SPOCK1: variants seen among roughly 807,000 people sequenced by gnomAD.
SPOCK1 encodes SPARC (osteonectin), cwcv and kazal like domains proteoglycan 1, also known as testican-1.
Under a neutral mutation model 55.3 loss-of-function variants are expected in SPOCK1, and 23 were observed. That is an observed-to-expected ratio of 0.42 (90% CI 0.30 to 0.59). The LOEUF (loss-of-function observed/expected upper bound fraction) is 0.59, where lower values mean the gene tolerates loss of function less well. Among genes scored for constraint, SPOCK1 ranks in the 20% least tolerant of loss-of-function variants. SPOCK1 has a pLI of 0.22. For synonymous variants in SPOCK1, 226 were observed against 221.0 expected, an observed-to-expected ratio of 1.02 and a Z score of -0.20; for missense variants, 499 against 552.5, an observed-to-expected ratio of 0.90 and a Z score of 0.97.
chr5:137,079,533 T>TCCGC (rs766268018), intron 5 of SPOCK1, among the ~76,000 whole-genome samples: 68 of 38,650 alleles, frequency 1.8e-3, no homozygotes, highest in South Asian at 3.9e-3. Flanking sequence ...CCCATCTGAT[T>TCCGC]CCCCCCCCCC....
At chr5:137,204,286 A>C (rs1309727099) in intron 3 of SPOCK1, among the ~76,000 whole-genome samples, 1 of 152,214 alleles carries the variant, frequency 6.6e-6, no homozygotes, top group Non-Finnish European at 1.5e-5. Context: ...AAAACAGCTT[A>C]AAAATAGAAG....
chr5:137,369,726 G>A (rs886374235), intron 2 of SPOCK1, among the ~76,000 whole-genome samples: 2 of 152,222 alleles, frequency 1.3e-5, no homozygotes, highest in African/African-American at 2.4e-5. Context: ...GTTCCGTGGT[G>A]AAGGCCCTCT....
intron 3 of SPOCK1, among the ~76,000 whole-genome samples, chr5:137,260,011 T>C (rs914912046): frequency 6.6e-6 from 1 of 152,258 alleles, no homozygotes; most frequent in African/African-American, 2.4e-5. Context: ...TCATTTTTCC[T>C]TTATGAGAAA....
At position 137,302,321 on chromosome 5, in the gene SPOCK1, G is replaced by A. The variant is rs1218174220; in HGVS notation, c.187-35266C>T. On this transcript the variant is annotated intron_variant, in intron 2 of 10. Coordinates refer to ENST00000394945, the MANE Select transcript of SPOCK1 (RefSeq NM_004598.4). ...GCGGTGGCTCACGCCTGTAATCCCA[G>A]CACTTTGGGAGGCCAAGGCGGGCAG... Among the ~76,000 whole-genome samples, 3 of 151,828 alleles carry A rather than the reference G, an allele frequency of 2.0e-5. No homozygotes were observed. In the East Asian group the frequency reaches 5.8e-4, roughly 29 times the overall value.
At chr5:137,487,726 T>C (rs1754090758) in intron 2 of SPOCK1, among the ~76,000 whole-genome samples, 1 of 152,112 alleles carries the variant, frequency 6.6e-6, no homozygotes, top group Non-Finnish European at 1.5e-5. Flanking sequence ...ATGTAGAAGG[T>C]CCCACATCAA....
intron 2 of SPOCK1, among the ~76,000 whole-genome samples, chr5:137,389,026 A>G (rs928494579): frequency 6.6e-6 from 1 of 152,208 alleles, no homozygotes; most frequent in Non-Finnish European, 1.5e-5. Flanking sequence ...CATTCCAAAG[A>G]CCAATCAAGA....
intron 2 of SPOCK1, among the ~76,000 whole-genome samples, chr5:137,339,636 G>GT (rs1170589526): frequency 2.0e-5 from 3 of 151,764 alleles, no homozygotes; most frequent in South Asian, 2.1e-4. Context: ...TTTTCAATCA[G>GT]TTTTTTTTCA....
chr5:137,345,807 C>T (rs1750543550), intron 2 of SPOCK1, among the ~76,000 whole-genome samples: 1 of 152,162 alleles, frequency 6.6e-6, no homozygotes. Flanking sequence ...GATGCCCTCC[C>T]AGATCTTAAG....
At chr5:137,359,699 C>A (rs1229710) in intron 2 of SPOCK1, among the ~76,000 whole-genome samples, 32,406 of 152,142 alleles carry the variant, frequency 0.21, 3,540 homozygotes, top group South Asian at 0.27. Flanking sequence ...TACTAAGGAG[C>A]AAATGCAGTC....
chr5:137,334,507 G>A (rs1374843728), intron 2 of SPOCK1, among the ~76,000 whole-genome samples: 2 of 152,150 alleles, frequency 1.3e-5, no homozygotes, highest in Non-Finnish European at 2.9e-5. Flanking sequence ...GGGTTTGGTC[G>A]CAGAACGCGT....
At chr5:137,146,692 G>A (rs1580775557) in intron 3 of SPOCK1, among the ~76,000 whole-genome samples, 1 of 152,310 alleles carries the variant, frequency 6.6e-6, no homozygotes, top group Non-Finnish European at 1.5e-5. Flanking sequence ...TGACGACAGA[G>A]CCTCTCAGAA....
intron 8 of SPOCK1, 104 bp from the exon 9 acceptor site, chr5:136,985,306 A>T (rs1338013512): frequency 1.9e-5 from 21 of 1,117,936 alleles, no homozygotes; most frequent in Non-Finnish European, 2.4e-5. Flanking sequence ...CACACCTGGG[A>T]GTGGAATTGT....
At chr5:137,158,673 C>A (rs1344499505) in intron 3 of SPOCK1, among the ~76,000 whole-genome samples, 1 of 151,854 alleles carries the variant, frequency 6.6e-6, no homozygotes, top group African/African-American at 2.4e-5. Flanking sequence ...GAAATTTACA[C>A]AGAACACTCC....
At chr5:137,423,835 T>C (rs560863814) in intron 2 of SPOCK1, among the ~76,000 whole-genome samples, 1 of 152,296 alleles carries the variant, frequency 6.6e-6, no homozygotes, top group East Asian at 1.9e-4. Flanking sequence ...ACCCAGTACC[T>C]CAGTTGTAAA....
chr5:137,122,342 T>A (rs1753703046), intron 4 of SPOCK1, among the ~76,000 whole-genome samples: 1 of 152,058 alleles, frequency 6.6e-6, no homozygotes, highest in East Asian at 1.9e-4. Context: ...CAAGCAGCAG[T>A]GTAATTGCAA....
intron 3 of SPOCK1, among the ~76,000 whole-genome samples, chr5:137,160,545 A>AT (rs1249187105): frequency 2.0e-5 from 1 of 50,174 alleles, no homozygotes; most frequent in Non-Finnish European, 3.4e-5. Context: ...TATATAATAT[A>AT]TATAATATAT....
At chr5:137,307,680 G>A (rs1424258887) in intron 2 of SPOCK1, among the ~76,000 whole-genome samples, 4 of 152,168 alleles carry the variant, frequency 2.6e-5, no homozygotes, top group Admixed American at 6.5e-5. Context: ...TGACCACTTC[G>A]GTGACTTAGA....
At chr5:137,286,770 C>A (rs1561493718) in intron 2 of SPOCK1, among the ~76,000 whole-genome samples, 1 of 152,162 alleles carries the variant, frequency 6.6e-6, no homozygotes, top group Non-Finnish European at 1.5e-5. Flanking sequence ...AAAGTTCCCC[C>A]AACAACCTTA....
chr5:137,223,599 C>A (rs1755896785), intron 3 of SPOCK1, among the ~76,000 whole-genome samples: 1 of 152,120 alleles, frequency 6.6e-6, no homozygotes, highest in South Asian at 2.1e-4. Flanking sequence ...ATTTGTGAGA[C>A]CCAGGTTTCA....
Sources: allele counts gnomAD v4.1 joint callset (sites outside exome capture counted in the v4.1 genomes callset), GRCh38; gene constraint gnomAD v4.1.1; transcripts MANE v1.5; gene names NCBI Gene and HGNC (gene_info 2026-07-23, HGNC 2026-07-21).